TXNDC9: variants seen among roughly 807,000 people sequenced by gnomAD.
TXNDC9 encodes thioredoxin domain-containing protein 9.
A neutral mutation model predicts 23.0 loss-of-function variants in TXNDC9; 7 were observed. The ratio of observed to expected loss-of-function variants is 0.30; its 90% CI spans 0.17 to 0.57. The LOEUF (loss-of-function observed/expected upper bound fraction) is 0.57. Ranked by LOEUF, TXNDC9 falls within the 20% of genes least tolerant of loss-of-function variation. The probability of loss-of-function intolerance (pLI) is 0.90; values close to 1 mark genes in which losing one functional copy is unlikely to be tolerated. For missense variants in TXNDC9, 198 were observed against 252.6 expected, an observed-to-expected ratio of 0.78 and a Z score of 1.47; for synonymous variants, 72 against 90.6, an observed-to-expected ratio of 0.79 and a Z score of 1.17.
At chr2:99,334,692 T>C (rs2094234444) in intron 1 of TXNDC9, among the ~76,000 whole-genome samples, 2 of 152,242 alleles carry the variant, frequency 1.3e-5, no homozygotes, top group Admixed American at 1.3e-4. Flanking sequence ...ATGGAGTATT[T>C]TGTACTAGCA....
chr2:99,336,201 C>G, intron 1 of TXNDC9, 38 bp downstream of exon 1: 4 of 985,232 alleles, frequency 4.1e-6, no homozygotes, highest in East Asian at 1.1e-4. Context: ...AGCACCCGGA[C>G]GTGGTGGTCG....
At chr2:99,315,417 G>A (rs2094186935), downstream of TXNDC9, among the ~76,000 whole-genome samples, 1 of 152,036 alleles carries the variant, frequency 6.6e-6, no homozygotes, top group African/African-American at 2.4e-5. Context: ...TGGGTTGAAA[G>A]AATTCTCTAC....
intron 3 of TXNDC9, among the ~76,000 whole-genome samples, chr2:99,324,762 C>G (rs2094209670): frequency 6.6e-6 from 1 of 151,798 alleles, no homozygotes; most frequent in Non-Finnish European, 1.5e-5. Context: ...ATTTAAAGAG[C>G]AAGACAGAGT....
chr2:99,323,644 G>A (rs1002948926), intron 3 of TXNDC9, among the ~76,000 whole-genome samples: 11 of 152,116 alleles, frequency 7.2e-5, no homozygotes, highest in African/African-American at 2.6e-4. Context: ...GCTGAGGCAC[G>A]AGAATCACTT....
At chr2:99,336,000 C>A (rs1477381654) in intron 1 of TXNDC9, among the ~76,000 whole-genome samples, 1 of 152,338 alleles carries the variant, frequency 6.6e-6, no homozygotes, top group Non-Finnish European at 1.5e-5. Flanking sequence ...CTTAACTGAA[C>A]CCCAGGTACC....
chr2:99,336,033 T>C (rs543086407), intron 1 of TXNDC9, among the ~76,000 whole-genome samples: 1 of 152,262 alleles, frequency 6.6e-6, no homozygotes, highest in Non-Finnish European at 1.5e-5. Flanking sequence ...AGCCGGCCAC[T>C]CCCTGCGCCC....
the TXNDC9 span, among the ~76,000 whole-genome samples, chr2:99,308,896 G>A: frequency 6.6e-6 from 1 of 151,808 alleles, no homozygotes; most frequent in East Asian, 1.9e-4. Flanking sequence ...TGGAGACGGG[G>A]TTTCACCATG....
intron 3 of TXNDC9, among the ~76,000 whole-genome samples, chr2:99,324,375 C>G (rs1259134437): frequency 2.6e-5 from 4 of 152,186 alleles, no homozygotes; most frequent in African/African-American, 4.8e-5. Flanking sequence ...GGTGCCTCAT[C>G]ACTTTTTCCC....
chr2:99,316,117 CTTTTTTTTT>C (rs57142545), downstream of TXNDC9, among the ~76,000 whole-genome samples: 21 of 136,008 alleles, frequency 1.5e-4, no homozygotes, highest in African/African-American at 5.1e-4. Flanking sequence ...ATTTCTTTTT[CTTTTTTTTT>C]TTTTTTTGTT....
At chr2:99,313,836 T>G in the TXNDC9 span, among the ~76,000 whole-genome samples, 32 of 152,222 alleles carry the variant, frequency 2.1e-4, no homozygotes, top group Non-Finnish European at 3.8e-4. Context: ...TTTATTCATA[T>G]CCTTCACATT....
chr2:99,322,381 C>A, intron 3 of TXNDC9, 172 bp from the exon 4 acceptor site: 3 of 1,208,188 alleles, frequency 2.5e-6, no homozygotes, highest in Non-Finnish European at 2.2e-6. Flanking sequence ...AGGTTAGCTG[C>A]CTGATTACGA....
intron 2 of TXNDC9, among the ~76,000 whole-genome samples, chr2:99,329,424 G>A (rs1045288529): frequency 6.6e-6 from 1 of 152,152 alleles, no homozygotes; most frequent in African/African-American, 2.4e-5. Context: ...CCTCCAGAAG[G>A]GGTCCAACCA....
intron 1 of TXNDC9, among the ~76,000 whole-genome samples, chr2:99,335,054 C>A (rs1173377097): frequency 1.3e-5 from 2 of 152,102 alleles, no homozygotes; most frequent in Non-Finnish European, 2.9e-5. Context: ...GTATTTTGTA[C>A]GAGAAATTTT....
intron 4 of TXNDC9, among the ~76,000 whole-genome samples, chr2:99,320,779 G>C (rs1358510481): frequency 6.6e-6 from 1 of 152,084 alleles, no homozygotes; most frequent in Non-Finnish European, 1.5e-5. Flanking sequence ...CACTCAAATG[G>C]TTCCCAAAAT....
At chr2:99,328,261 CA>C (rs1285963617) in intron 2 of TXNDC9, among the ~76,000 whole-genome samples, 1 of 70,100 alleles carries the variant, frequency 1.4e-5, no homozygotes, top group African/African-American at 4.1e-5. Flanking sequence ...CCACGCCTGG[CA>C]TTTTTTTTTT....
the TXNDC9 span, among the ~76,000 whole-genome samples, chr2:99,311,031 CTTTT>C: frequency 6.7e-6 from 1 of 148,430 alleles, no homozygotes; most frequent in African/African-American, 2.5e-5. Flanking sequence ...TAATTTGTGT[CTTTT>C]TTTTTTAAGA....
intron 2 of TXNDC9, 31 bp from the exon 3 acceptor site, chr2:99,327,684 T>C: frequency 2.9e-6 from 4 of 1,358,644 alleles, no homozygotes; most frequent in South Asian, 1.2e-5. Context: ...ACATTACACA[T>C]GTGAGATATC....
intron 4 of TXNDC9, among the ~76,000 whole-genome samples, chr2:99,320,002 T>C (rs2094197711): frequency 6.6e-6 from 1 of 152,132 alleles, no homozygotes; most frequent in Non-Finnish European, 1.5e-5. Flanking sequence ...ATGTTTTAGA[T>C]CAATTTTATT....
At chr2:99,335,468 G>A (rs1378274791) in intron 1 of TXNDC9, among the ~76,000 whole-genome samples, 1 of 152,088 alleles carries the variant, frequency 6.6e-6, no homozygotes, top group Admixed American at 6.6e-5. Flanking sequence ...ACACTGTTAA[G>A]TTTCAAAAGT....
Sources: allele counts gnomAD v4.1 joint callset (sites outside exome capture counted in the v4.1 genomes callset), GRCh38; gene constraint gnomAD v4.1.1; transcripts MANE v1.5; gene names NCBI Gene and HGNC (gene_info 2026-07-23, HGNC 2026-07-21).